The following ANKRD36C variants were observed in gnomAD, a reference collection of about 807,000 sequenced individuals.
ANKRD36C encodes ankyrin repeat domain 36C, also known as ankyrin repeat domain-containing protein 36C.
ANKRD36C carries 61 observed loss-of-function variants against 276.4 expected under a neutral mutation model. The observed-to-expected ratio is 0.22, with a 90% CI of 0.18 to 0.27. ANKRD36C has a LOEUF of 0.27. Among genes scored for constraint, ANKRD36C ranks in the 10% least tolerant of loss-of-function variants. The probability of loss-of-function intolerance (pLI) is 1.00; values close to 1 mark genes in which losing one functional copy is unlikely to be tolerated. For missense variants in ANKRD36C, 1,447 were observed against 2,032.3 expected (o/e 0.71, Z 5.54); for synonymous variants, 483 against 680.1 (o/e 0.71, Z 4.51).
chr2:95,894,703 A>C (rs1676485459), intron 44 of ANKRD36C, among the ~76,000 whole-genome samples: 1 of 151,394 alleles, frequency 6.6e-6, no homozygotes, highest in Non-Finnish European at 1.5e-5. Flanking sequence ...CTATAACTAA[A>C]ATCAACAAAA....
Position 95,991,740 on chromosome 2 carries a change from G to A in ANKRD36C, c.-32C>T, listed in dbSNP as rs533343234. 6.2e-6 allele frequency: 10 copies of A among 1,604,914 alleles called. No individual in the cohort carries two copies. The South Asian group carries it at 9.9e-5, about 16-fold the overall frequency. ...CGGCTGCAAATTGTAGCCTGCAGCCGTATTTCAGCTCGCCTTCGGGGATCG... is the reference window on the plus strand; with the variant it reads ...CGGCTGCAAATTGTAGCCTGCAGCCATATTTCAGCTCGCCTTCGGGGATCG... On this transcript the variant is annotated 5_prime_UTR_variant, in exon 1 of 67. In the 5' UTR this introduces an upstream ATG that the reference lacks. Coordinates refer to ENST00000456556, the Ensembl canonical transcript of ANKRD36C.
chr2:95,960,339 T>C lies in ANKRD36C; in HGVS notation c.1003+134A>G, dbSNP rs1350850027. 14 of 1,203,088 alleles carry C rather than the reference T, an allele frequency of 1.2e-5. No homozygotes were observed. The East Asian group carries it at 1.8e-4, about 15-fold the overall frequency. The allele number at this position is 1,203,088 out of a possible 1,614,324, so 74.5% of individuals were successfully genotyped here. ...AGAATCACCATCACTCAAGAACTTA[T>C]TACAAACGCAGAATCTCAGGCCCGC... is the stretch of plus-strand genomic sequence containing the variant. On this transcript the variant is annotated intron_variant, in intron 10 of 66. Transcript: ENST00000456556.
chr2:95,923,788 G>A, intron 30 of ANKRD36C, 99 bp from the exon 31 acceptor site: 1 of 1,520,816 alleles, frequency 6.6e-7, no homozygotes, highest in Non-Finnish European at 9.0e-7. Context: ...GCTCCTGCCT[G>A]TATTAGTATA....
chr2:95,959,658 T>C (rs1244834400), intron 10 of ANKRD36C, among the ~76,000 whole-genome samples: 1 of 152,092 alleles, frequency 6.6e-6, no homozygotes, highest in Non-Finnish European at 1.5e-5. Flanking sequence ...GTTTGAAGGA[T>C]CATGTCATTC....
intron 59 of ANKRD36C, among the ~76,000 whole-genome samples, chr2:95,872,391 C>T (rs1675834842): frequency 6.6e-6 from 1 of 151,444 alleles, no homozygotes; most frequent in South Asian, 2.1e-4. Flanking sequence ...TACATGGAAA[C>T]TGAACAACCT....
At chr2:95,913,349 G>C (rs926971953) in intron 40 of ANKRD36C, among the ~76,000 whole-genome samples, 2 of 151,176 alleles carry the variant, frequency 1.3e-5, no homozygotes, top group African/African-American at 4.8e-5. Context: ...TTTTATCCAA[G>C]AGGTAGCTCC....
At chr2:95,854,829 A>G (rs941544210) in intron 63 of ANKRD36C, among the ~76,000 whole-genome samples, 2 of 151,980 alleles carry the variant, frequency 1.3e-5, no homozygotes, top group African/African-American at 2.4e-5. Context: ...GTAATTATGA[A>G]ATAGGGAATA....
intron 5 of ANKRD36C, among the ~76,000 whole-genome samples, chr2:95,979,451 AT>A: frequency 6.6e-6 from 1 of 152,182 alleles, no homozygotes; most frequent in Middle Eastern, 3.4e-3. Flanking sequence ...GACTCAGATA[AT>A]TCCAATGAAT....
chr2:95,981,130 T>A (rs898173536), intron 4 of ANKRD36C, among the ~76,000 whole-genome samples: 2 of 151,908 alleles, frequency 1.3e-5, no homozygotes, highest in African/African-American at 4.8e-5. Flanking sequence ...TACATTATAA[T>A]GCAAAATCAG....
intron 60 of ANKRD36C, among the ~76,000 whole-genome samples, chr2:95,862,946 T>C (rs1277780004): frequency 2.0e-5 from 3 of 151,760 alleles, no homozygotes; most frequent in Non-Finnish European, 4.4e-5. Context: ...ATCTTGGACT[T>C]TGCTGAACCC....
intron 59 of ANKRD36C, among the ~76,000 whole-genome samples, chr2:95,873,613 G>C (rs1675867226): frequency 6.6e-6 from 1 of 151,976 alleles, no homozygotes; most frequent in Non-Finnish European, 1.5e-5. Flanking sequence ...GGCACAAGAG[G>C]GCACAAGACA....
At chr2:95,894,363 A>C (rs1454948219) in intron 44 of ANKRD36C, 1 of 152,518 alleles carries the variant, frequency 6.6e-6, no homozygotes, top group Non-Finnish European at 1.5e-5. Context: ...GCCTTCCAAA[A>C]GTTTCTTCAT....
chr2:95,922,075 A>G (rs1677287452), intron 32 of ANKRD36C, among the ~76,000 whole-genome samples: 1 of 151,656 alleles, frequency 6.6e-6, no homozygotes, highest in African/African-American at 2.4e-5. Flanking sequence ...AATATCAAAA[A>G]GGGTATGCCA....
chr2:95,873,389 G>T (rs1391378088), intron 59 of ANKRD36C, among the ~76,000 whole-genome samples: 1 of 152,192 alleles, frequency 6.6e-6, no homozygotes, highest in Non-Finnish European at 1.5e-5. Flanking sequence ...ATGTAATCCA[G>T]CTTATAAACA....
chr2:95,883,101 C>T (rs758616413), intron 54 of ANKRD36C, among the ~76,000 whole-genome samples: 1 of 152,026 alleles, frequency 6.6e-6, no homozygotes, highest in Non-Finnish European at 1.5e-5. Context: ...TAATAATGTG[C>T]CTACATTTGT....
chr2:95,975,846 C>T (rs1489529312), intron 6 of ANKRD36C, among the ~76,000 whole-genome samples: 3 of 152,092 alleles, frequency 2.0e-5, no homozygotes, highest in Non-Finnish European at 4.4e-5. Context: ...AGGCAACCTA[C>T]AGAATGAGAG....
chr2:95,961,488 A>T (rs1351722265), intron 8 of ANKRD36C, among the ~76,000 whole-genome samples: 2 of 152,240 alleles, frequency 1.3e-5, no homozygotes, highest in Middle Eastern at 3.4e-3. Context: ...TTTAGGAGTC[A>T]ATTAATGAAT....
chr2:95,919,603 C>G lies in ANKRD36C; in HGVS notation c.2246-1561G>C, dbSNP rs192258420. 139 of 470,370 alleles carry G rather than the reference C, an allele frequency of 3.0e-4. 19 individuals are homozygous for G. The African/African-American group carries it at 3.0e-3, about 10-fold the overall frequency. 29.1% of individuals were successfully genotyped at this position (470,370 alleles called of 1,614,324 possible). A position where few individuals can be genotyped will look rare whatever the true frequency, so the allele number is the denominator to read the frequency against. The stretch of plus-strand genomic sequence containing the variant: ...AAGAAATTTATTACAAATGAAAAAT[C>G]TCAGGCCTGCTGAATCAGAATGTGC... On this transcript the variant is annotated intron_variant, in intron 34 of 66. Transcript: ENST00000456556.
chr2:95,918,343 T>C (rs1168697891), intron 34 of ANKRD36C, among the ~76,000 whole-genome samples: 2 of 151,694 alleles, frequency 1.3e-5, no homozygotes, highest in Non-Finnish European at 3.0e-5. Context: ...CAAACTGATC[T>C]AAAATCGGAG....
Sources: allele counts gnomAD v4.1 joint callset (sites outside exome capture counted in the v4.1 genomes callset), GRCh38; gene constraint gnomAD v4.1.1; transcripts MANE v1.5; gene names NCBI Gene and HGNC (gene_info 2026-07-23, HGNC 2026-07-21).